Variants in C19orf38 observed in about 807,000 individuals in gnomAD.
C19orf38 encodes the protein chromosome 19 open reading frame 38.
C19orf38 carries 14 observed loss-of-function variants against 26.6 expected under a neutral mutation model. The ratio of observed to expected loss-of-function variants is 0.53; its 90% CI spans 0.35 to 0.82. C19orf38 has a LOEUF of 0.82. Among genes scored for constraint, C19orf38 ranks in the 40% least tolerant of loss-of-function variants. The probability of loss-of-function intolerance (pLI) is 0.01; values close to 1 mark genes in which losing one functional copy is unlikely to be tolerated. For missense variants in C19orf38, 261 were observed against 299.5 expected, an observed-to-expected ratio of 0.87 and a Z score of 0.95; for synonymous variants, 132 against 128.5, an observed-to-expected ratio of 1.03 and a Z score of -0.18.
At chr19:10,850,675 C>A in intron 2 of C19orf38, 108 bp downstream of exon 2, 1 of 1,198,864 alleles carries the variant, frequency 8.3e-7, no homozygotes, top group African/African-American at 1.5e-5. Flanking sequence ...CAGGCTTACA[C>A]CCTGCCAGGA....
chr19:10,848,278 C>T, upstream of C19orf38: 1 of 528,924 alleles, frequency 1.9e-6, no homozygotes, highest in Non-Finnish European at 3.4e-6. Flanking sequence ...TGCAGAACCG[C>T]AACCAGAGAG....
At chr19:10,848,716 G>A (rs942138406) in intron 1 of C19orf38, among the ~76,000 whole-genome samples, 177 bp downstream of exon 1, 14 of 152,122 alleles carry the variant, frequency 9.2e-5, no homozygotes, top group African/African-American at 3.4e-4. Context: ...AGTAGTGTTG[G>A]TTTTTTCTTC....
intron 3 of C19orf38, among the ~76,000 whole-genome samples, chr19:10,857,230 C>T (rs1027237631): frequency 8.7e-5 from 13 of 150,138 alleles, no homozygotes; most frequent in African/African-American, 3.2e-4. Context: ...TGCCACCATG[C>T]CCAGCCAAAT....
At chr19:10,839,751 GAC>G (rs1050786207) in intron 1 of C19orf38, among the ~76,000 whole-genome samples, 2 of 136,246 alleles carry the variant, frequency 1.5e-5, no homozygotes, top group African/African-American at 5.5e-5. Context: ...TTTTTTTTGA[GAC>G]AGTCTCGCTG....
At chr19:10,844,572 G>A (rs1183162473), upstream of C19orf38, among the ~76,000 whole-genome samples, 2 of 149,784 alleles carry the variant, frequency 1.3e-5, no homozygotes, top group Non-Finnish European at 3.0e-5. Context: ...GAAAGGCCGG[G>A]TGCAGTGGCT....
chr19:10,847,516 G>A (rs1460137351), upstream of C19orf38, among the ~76,000 whole-genome samples: 1 of 151,950 alleles, frequency 6.6e-6, no homozygotes, highest in Non-Finnish European at 1.5e-5. Flanking sequence ...TGGGATTACA[G>A]GCGTGTGCCA....
At chr19:10,838,228 G>C (rs185293289) in intron 1 of C19orf38, among the ~76,000 whole-genome samples, 1 of 152,246 alleles carries the variant, frequency 6.6e-6, no homozygotes, top group Non-Finnish European at 1.5e-5. Flanking sequence ...GGCTAACACA[G>C]TGAAACCCCG....
intron 1 of C19orf38, among the ~76,000 whole-genome samples, chr19:10,848,820 G>A (rs1022531728): frequency 5.3e-5 from 8 of 151,874 alleles, no homozygotes; most frequent in South Asian, 4.2e-4. Context: ...GCCCCGCTTC[G>A]TCTCTGAAGG....
intron 2 of C19orf38, among the ~76,000 whole-genome samples, chr19:10,851,087 T>C (rs2073567453): frequency 1.3e-5 from 2 of 152,154 alleles, no homozygotes; most frequent in African/African-American, 2.4e-5. Flanking sequence ...ATAGTTATGC[T>C]CTTGTTGCCC....
chr19:10,836,851 A>C lies in C19orf38; in HGVS notation c.-69+81A>C, dbSNP rs1229295809. The C allele has an allele frequency of 2.0e-5, 3 of 152,404 alleles. No homozygotes were observed. In the East Asian group the frequency reaches 5.8e-4, roughly 29 times the overall value. 9.4% of individuals were successfully genotyped at this position (152,404 alleles called of 1,614,324 possible). A position where few individuals can be genotyped will look rare whatever the true frequency, so the allele number is the denominator to read the frequency against. On this transcript the variant is annotated intron_variant, in intron 1 of 7. Coordinates refer to the C19orf38 transcript ENST00000592854. ...GAGGCTTGGTTCATATTGAGTGCTC[A>C]GCTTTCCTGGCTTATAGACAGTGGA...
intron 6 of C19orf38, among the ~76,000 whole-genome samples, chr19:10,865,959 TC>T (rs969904778): frequency 6.6e-6 from 1 of 151,668 alleles, no homozygotes; most frequent in Non-Finnish European, 1.5e-5. Context: ...ACCACAGACT[TC>T]CACCACCATG....
At position 10,869,589 on chromosome 19, in the gene C19orf38, G is replaced by C. The variant is rs988511453; in HGVS notation, c.*222G>C. The stretch of plus-strand genomic sequence containing the variant: ...ACAGGAAGTTCCCCTCTCGACCTTC[G>C]GCTCCTCAGGACCACCAGAGAAGGA... On this transcript the variant is annotated 3_prime_UTR_variant, in exon 7 of 7. Coordinates refer to ENST00000397820, the MANE Select transcript of C19orf38 (RefSeq NM_001136482.3). 1.7e-6 allele frequency: 1 copy of C among 593,664 alleles called. No homozygotes were observed. Among genetic ancestry groups the C allele is most frequent in the Admixed American group, 3.8e-5 (1 of 26,628 alleles). The allele number at this position is 593,664 out of a possible 1,614,324, so 36.8% of individuals were successfully genotyped here. A position where few individuals can be genotyped will look rare whatever the true frequency, so the allele number is the denominator to read the frequency against.
At chr19:10,861,747 T>G (rs79407601) in intron 5 of C19orf38, among the ~76,000 whole-genome samples, 5,621 of 151,408 alleles carry the variant, frequency 0.037, 447 homozygotes, top group East Asian at 0.36. Flanking sequence ...CCGGCTAATT[T>G]TTGTATTTTT....
At chr19:10,839,449 CTT>C (rs572659967) in intron 1 of C19orf38, among the ~76,000 whole-genome samples, 3 of 152,076 alleles carry the variant, frequency 2.0e-5, no homozygotes, top group Admixed American at 6.6e-5. Flanking sequence ...GCTGAGGACT[CTT>C]TGCCCTCACT....
At chr19:10,866,923 G>A (rs1293922570) in intron 6 of C19orf38, among the ~76,000 whole-genome samples, 1 of 152,012 alleles carries the variant, frequency 6.6e-6, no homozygotes, top group African/African-American at 2.4e-5. Flanking sequence ...TTATAAGCAT[G>A]AGCCACTGCA....
intron 6 of C19orf38, 113 bp downstream of exon 6, chr19:10,863,320 G>A: frequency 8.1e-7 from 1 of 1,236,434 alleles, no homozygotes; most frequent in Non-Finnish European, 1.1e-6. Flanking sequence ...CTAAGCTGCG[G>A]GGGGGCTAGG....
intron 1 of C19orf38, among the ~76,000 whole-genome samples, chr19:10,842,535 C>T (rs1378881574): frequency 6.6e-6 from 1 of 151,950 alleles, no homozygotes; most frequent in African/African-American, 2.4e-5. Context: ...GCTGGGATTA[C>T]AGGCGTGAGC....
rs961686771 is a variant in C19orf38, at chr19:10,857,307, T to G, written c.433+950T>G. Among the ~76,000 whole-genome samples, 3 of 139,526 alleles carry G rather than the reference T, an allele frequency of 2.2e-5. No individual in the cohort carries two copies. The Admixed American group carries it at 2.2e-4, about 10-fold the overall frequency. The allele number at this position is 139,526 out of a possible 152,430, so 91.5% of individuals were successfully genotyped here. Reference sequence around the variant, plus strand: ...GTGTGTGTATGTATATATATATGTGTGTATATATATACATACACACACACA... The same window carrying G: ...GTGTGTGTATGTATATATATATGTGGGTATATATATACATACACACACACA... On this transcript the variant is annotated intron_variant, in intron 3 of 6. Transcript: ENST00000397820.
chr19:10,841,701 A>G, intron 1 of C19orf38: 1 of 608,860 alleles, frequency 1.6e-6, no homozygotes, highest in South Asian at 2.0e-5. Flanking sequence ...AGCCAGGTGG[A>G]GTGGCTCACG....
Sources: allele counts gnomAD v4.1 joint callset (sites outside exome capture counted in the v4.1 genomes callset), GRCh38; gene constraint gnomAD v4.1.1; transcripts MANE v1.5; gene names NCBI Gene and HGNC (gene_info 2026-07-23, HGNC 2026-07-21).